Variants in RERE observed in about 807,000 individuals in gnomAD.
RERE encodes arginine-glutamic acid dipeptide repeats protein.
Under a neutral mutation model 146.1 loss-of-function variants are expected in RERE, and 40 were observed. That is an observed-to-expected ratio of 0.27 (90% CI 0.21 to 0.36). The LOEUF is 0.36. Ranked by LOEUF, RERE falls within the 10% of genes least tolerant of loss-of-function variation. The probability of loss-of-function intolerance (pLI) is 1.00; values close to 1 mark genes in which losing one functional copy is unlikely to be tolerated. For synonymous variants in RERE, 1,003 were observed against 866.0 expected (o/e 1.16, Z -2.78); for missense variants, 1,933 against 2,138.7 (o/e 0.90, Z 1.90).
At chr1:8,643,784 A>G (rs1647216558) in intron 2 of RERE, among the ~76,000 whole-genome samples, 1 of 152,222 alleles carries the variant, frequency 6.6e-6, no homozygotes, top group South Asian at 2.1e-4. Context: ...AGGGAACCCC[A>G]GGGGACAGGT....
At chr1:8,501,570 G>A (rs1436993506) in intron 8 of RERE, among the ~76,000 whole-genome samples, 1 of 129,946 alleles carries the variant, frequency 7.7e-6, no homozygotes, top group African/African-American at 3.0e-5. Flanking sequence ...CTACCGGGAA[G>A]TGAGGACCCC....
At chr1:8,489,251 T>C (rs1644944340) in intron 10 of RERE, among the ~76,000 whole-genome samples, 1 of 151,776 alleles carries the variant, frequency 6.6e-6, no homozygotes, top group Non-Finnish European at 1.5e-5. Context: ...TCCCAGGTAC[T>C]CAGGAGGTTG....
At chr1:8,373,860 G>C (rs1265635881) in intron 12 of RERE, among the ~76,000 whole-genome samples, 3 of 152,210 alleles carry the variant, frequency 2.0e-5, no homozygotes, top group Admixed American at 2.0e-4. Flanking sequence ...ACCTTCTACA[G>C]ATCTTTTTCC....
intron 7 of RERE, among the ~76,000 whole-genome samples, chr1:8,519,366 G>C (rs1645461561): frequency 6.6e-6 from 1 of 152,138 alleles, no homozygotes; most frequent in African/African-American, 2.4e-5. Flanking sequence ...CAGGAGTTTT[G>C]AGGTTGCAGT....
At chr1:8,720,491 G>A (rs1639841680) in intron 1 of RERE, among the ~76,000 whole-genome samples, 1 of 152,042 alleles carries the variant, frequency 6.6e-6, no homozygotes, top group Non-Finnish European at 1.5e-5. Flanking sequence ...GGTACCAGCT[G>A]GAGAGAGAAG....
intron 1 of RERE, among the ~76,000 whole-genome samples, chr1:8,729,487 T>C (rs561001949): frequency 6.6e-6 from 1 of 152,182 alleles, no homozygotes; most frequent in East Asian, 1.9e-4. Context: ...CCTCCCAAAG[T>C]GCTGGGGTTA....
intron 3 of RERE, among the ~76,000 whole-genome samples, chr1:8,622,483 G>GT (rs149744126): frequency 2.7e-5 from 2 of 75,438 alleles, no homozygotes; most frequent in African/African-American, 4.9e-5. Context: ...TGCTGTATCT[G>GT]TTTAAAAAAA....
chr1:8,355,390 C>T (rs1437573072), intron 22 of RERE, 29 bp downstream of exon 22: 2 of 1,607,432 alleles, frequency 1.2e-6, no homozygotes, highest in Admixed American at 1.7e-5. Flanking sequence ...CAGATAACCC[C>T]TCCACTCCCT....
chr1:8,611,853 G>A (rs1375800870), intron 4 of RERE, among the ~76,000 whole-genome samples: 1 of 152,144 alleles, frequency 6.6e-6, no homozygotes, highest in Non-Finnish European at 1.5e-5. Flanking sequence ...CTGGCGGGTA[G>A]AATCATTTCT....
intron 4 of RERE, among the ~76,000 whole-genome samples, chr1:8,575,331 AG>A (rs529830631): frequency 2.1e-4 from 32 of 152,060 alleles, no homozygotes; most frequent in African/African-American, 7.5e-4. Context: ...TCAGAGTCAC[AG>A]GGCACCTTTC....
At chr1:8,389,495 C>T (rs941636240) in intron 12 of RERE, among the ~76,000 whole-genome samples, 1 of 152,118 alleles carries the variant, frequency 6.6e-6, no homozygotes, top group Non-Finnish European at 1.5e-5. Flanking sequence ...TTAGGGAATC[C>T]CAGCAGGCGC....
intron 1 of RERE, among the ~76,000 whole-genome samples, chr1:8,677,754 T>A (rs1374014802): frequency 6.6e-6 from 1 of 152,204 alleles, no homozygotes. Flanking sequence ...ATATGACGTA[T>A]CTCATGGAGT....
intron 1 of RERE, among the ~76,000 whole-genome samples, chr1:8,810,707 A>T (rs1641789699): frequency 6.6e-6 from 1 of 152,204 alleles, no homozygotes; most frequent in African/African-American, 2.4e-5. Context: ...TGAGTATCTC[A>T]TGAGAAAGAA....
intron 1 of RERE, among the ~76,000 whole-genome samples, chr1:8,707,762 T>G (rs538791644): frequency 6.6e-5 from 10 of 152,290 alleles, no homozygotes; most frequent in African/African-American, 2.2e-4. Context: ...TAGTACCAGT[T>G]AGCTATGTCC....
At chr1:8,468,186 T>C (rs1369043159) in intron 10 of RERE, among the ~76,000 whole-genome samples, 1 of 152,196 alleles carries the variant, frequency 6.6e-6, no homozygotes, top group Non-Finnish European at 1.5e-5. Flanking sequence ...AACTTATTTA[T>C]TTTTATTATT....
intron 7 of RERE, among the ~76,000 whole-genome samples, chr1:8,519,216 GCAAA>G (rs911510599): frequency 3.3e-5 from 5 of 151,948 alleles, no homozygotes; most frequent in Admixed American, 1.3e-4. Flanking sequence ...CCTAGTCTCT[GCAAA>G]CAAACAAACA....
chr1:8,609,750 C>A (rs879439997), intron 4 of RERE, among the ~76,000 whole-genome samples: 16 of 152,212 alleles, frequency 1.1e-4, no homozygotes, highest in Non-Finnish European at 2.1e-4. Context: ...TTTTTTAATT[C>A]TTAAATGGTA....
At chr1:8,498,089 G>C (rs1645069872) in intron 8 of RERE, among the ~76,000 whole-genome samples, 1 of 152,252 alleles carries the variant, frequency 6.6e-6, no homozygotes, top group Non-Finnish European at 1.5e-5. Flanking sequence ...GGCCAGGCCT[G>C]GTGGCTCACG....
At chr1:8,779,965 C>G (rs1175414833) in intron 1 of RERE, among the ~76,000 whole-genome samples, 1 of 152,020 alleles carries the variant, frequency 6.6e-6, no homozygotes, top group South Asian at 2.1e-4. Context: ...TCGAGGCGGG[C>G]AGATCACTTG....
Sources: gnomAD v4.1 joint callset for allele counts (sites outside exome capture counted in the v4.1 genomes callset) on GRCh38, gnomAD v4.1.1 for gene constraint, MANE v1.5 for transcripts, NCBI Gene and HGNC (gene_info 2026-07-23, HGNC 2026-07-21) for gene names.